Variants in KIAA1549L observed in about 807,000 individuals in gnomAD.
KIAA1549L encodes the protein KIAA1549 like, also known as UPF0606 protein KIAA1549L.
Under a neutral mutation model 160.7 loss-of-function variants are expected in KIAA1549L, and 88 were observed. The ratio of observed to expected loss-of-function variants is 0.55; its 90% CI spans 0.46 to 0.65. KIAA1549L has a LOEUF of 0.65. Ranked by LOEUF, KIAA1549L falls within the 30% of genes least tolerant of loss-of-function variation. KIAA1549L has a pLI of 0.00. For synonymous variants in KIAA1549L, 950 were observed against 976.7 expected (o/e 0.97, Z 0.51); for missense variants, 2,258 against 2,437.5 (o/e 0.93, Z 1.55).
chr11:33,659,816 C>T (rs1234726449), intron 19 of KIAA1549L, among the ~76,000 whole-genome samples: 2 of 152,160 alleles, frequency 1.3e-5, no homozygotes, highest in African/African-American at 2.4e-5. Flanking sequence ...GGAGTTGGAC[C>T]ACCACTTCTG....
chr11:33,618,385 C>A (rs1161913560), intron 15 of KIAA1549L, 148 bp from the exon 16 acceptor site: 3 of 592,238 alleles, frequency 5.1e-6, no homozygotes, highest in Non-Finnish European at 8.3e-6. Flanking sequence ...TTTCTACAGC[C>A]CCTTATATCC....
chr11:33,379,949 A>G (rs1723736363), intron 1 of KIAA1549L, among the ~76,000 whole-genome samples: 1 of 152,260 alleles, frequency 6.6e-6, no homozygotes, highest in Non-Finnish European at 1.5e-5. Context: ...AGGGCGATCA[A>G]GGCCCTTGCC....
intron 1 of KIAA1549L, among the ~76,000 whole-genome samples, chr11:33,510,552 C>T (rs956704997): frequency 2.0e-5 from 3 of 152,182 alleles, no homozygotes; most frequent in Non-Finnish European, 4.4e-5. Context: ...GTGGAGGACA[C>T]TAATGTTGAA....
intron 1 of KIAA1549L, among the ~76,000 whole-genome samples, chr11:33,409,708 C>G (rs1850748260): frequency 6.6e-6 from 1 of 151,422 alleles, no homozygotes; most frequent in Non-Finnish European, 1.5e-5. Context: ...ATCATCCATC[C>G]CCTTTCTCAA....
chr11:33,572,659 A>G (rs957493709), intron 9 of KIAA1549L, among the ~76,000 whole-genome samples: 1 of 152,230 alleles, frequency 6.6e-6, no homozygotes, highest in African/African-American at 2.4e-5. Context: ...TTTGCTGAAT[A>G]ATATTCTCTT....
intron 13 of KIAA1549L, among the ~76,000 whole-genome samples, chr11:33,601,435 A>G (rs1229301077): frequency 2.0e-5 from 3 of 152,218 alleles, no homozygotes; most frequent in Admixed American, 6.5e-5. Context: ...AATAAAATCA[A>G]TAGTGTATTT....
rs79050076 is a variant in KIAA1549L, at chr11:33,460,548, T to C, written c.239-81254T>C. On this transcript the variant is annotated intron_variant, in intron 1 of 20. Coordinates refer to ENST00000658780, the MANE Select transcript of KIAA1549L (RefSeq NM_012194.3). ...GTGCTGCCATGTTCAATGGTGTCTT[T>C]AGCTTGCCTGGGTCTATGTCCATGG... is the stretch of plus-strand genomic sequence containing the variant. Among the ~76,000 whole-genome samples the C allele has an allele frequency of 7.5e-3, 1,139 of 152,316 alleles. 6 individuals carry two copies. The highest frequency in any genetic ancestry group is 0.012 in the Non-Finnish European group (831 of 68,018).
chr11:33,484,571 A>G (rs1013528524), intron 1 of KIAA1549L, among the ~76,000 whole-genome samples: 1 of 152,062 alleles, frequency 6.6e-6, no homozygotes, highest in African/African-American at 2.4e-5. Context: ...GTGACCACTC[A>G]CCTCCCTAGA....
At chr11:33,389,630 G>T (rs1412525278) in intron 1 of KIAA1549L, among the ~76,000 whole-genome samples, 1 of 152,172 alleles carries the variant, frequency 6.6e-6, no homozygotes, top group Non-Finnish European at 1.5e-5. Flanking sequence ...TTTCCAGTTG[G>T]ATGGGGAATA....
In KIAA1549L at chr11:33,668,418, G is replaced by T. The variant is rs1852560364; in HGVS notation, c.*264G>T. The T allele has an allele frequency of 2.0e-6, 1 of 509,226 alleles. No individual in the cohort carries two copies. Among genetic ancestry groups the T allele is most frequent in the Non-Finnish European group, 3.5e-6 (1 of 284,190 alleles). The allele number at this position is 509,226 out of a possible 1,614,324, so 31.5% of individuals were successfully genotyped here. On this transcript the variant is annotated 3_prime_UTR_variant, in exon 21 of 21. Coordinates refer to ENST00000658780, the MANE Select transcript of KIAA1549L (RefSeq NM_012194.3). ...CTCATGTCAAATGTTTGAACTTTGG[G>T]CATGTGCCCTATGGAAGCTTAGTCA...
chr11:33,616,587 A>T (rs984197191), intron 15 of KIAA1549L, among the ~76,000 whole-genome samples: 4 of 152,242 alleles, frequency 2.6e-5, no homozygotes, highest in Admixed American at 2.6e-4. Flanking sequence ...TAAGCTCTTC[A>T]TGGTGAAGGT....
intron 6 of KIAA1549L, 87 bp from the exon 7 acceptor site, chr11:33,559,662 T>G (rs1590343516): frequency 9.0e-7 from 1 of 1,116,952 alleles, no homozygotes; most frequent in Non-Finnish European, 1.3e-6. Flanking sequence ...CAACTCCTGC[T>G]TAGCCTCCCC....
intron 1 of KIAA1549L, among the ~76,000 whole-genome samples, chr11:33,434,156 T>A (rs887357373): frequency 1.3e-5 from 2 of 152,178 alleles, no homozygotes; most frequent in Admixed American, 6.5e-5. Flanking sequence ...ATACACAGAT[T>A]TTTTTAAAAA....
chr11:33,448,111 C>T (rs982202045), intron 1 of KIAA1549L, among the ~76,000 whole-genome samples: 32 of 151,876 alleles, frequency 2.1e-4, no homozygotes, highest in Admixed American at 9.2e-4. Context: ...CTTTAAATTC[C>T]GGGATACATG....
chr11:33,510,698 A>G (rs1442668613), intron 1 of KIAA1549L, among the ~76,000 whole-genome samples: 6 of 152,242 alleles, frequency 3.9e-5, no homozygotes, highest in African/African-American at 1.2e-4. Context: ...ACTTCTGCAA[A>G]TCACCTAACA....
Position 33,465,043 on chromosome 11 carries a change from CTTCTTTTTTTTTTTTTT to C in KIAA1549L, c.239-76756_239-76740del, listed in dbSNP as rs1050027821. On this transcript the variant is annotated intron_variant, in intron 1 of 20. Transcript: ENST00000658780. ...CCACATTCAACTCGCATGGGACCTTCTTCTTTTTTTTTTTTTTTTTTTTTTTTTTTGAGACAGAGTCT... is the reference window on the plus strand; with the variant it reads ...CCACATTCAACTCGCATGGGACCTTCTTTTTTTTTTTTTGAGACAGAGTCT... 6.8e-5 allele frequency among the ~76,000 whole-genome samples: 8 copies of C among 117,994 alleles called. No homozygotes were observed. The South Asian group carries it at 1.2e-3, about 17-fold the overall frequency. 77.4% of individuals were successfully genotyped at this position (117,994 alleles called of 152,430 possible). A position where few individuals can be genotyped will look rare whatever the true frequency, so the allele number is the denominator to read the frequency against.
chr11:33,561,758 C>T (rs753497346), intron 8 of KIAA1549L, 23 bp downstream of exon 8: 17 of 1,501,854 alleles, frequency 1.1e-5, no homozygotes, highest in Non-Finnish European at 1.4e-5. Flanking sequence ...TTTGTAATTT[C>T]CCCTCTTCAT....
rs1457620692 is a variant in KIAA1549L, at chr11:33,435,808, ATATGTGTG to A, written c.238+58921_238+58928del. On this transcript the variant is annotated intron_variant, in intron 1 of 20. Transcript: ENST00000658780. ...TATATATATATATATATATATATAT[ATATGTGTG>A]TGTATATATATATATGTATATGTAT... Among the ~76,000 whole-genome samples the A allele has an allele frequency of 3.7e-3, 88 of 23,956 alleles. 24 individuals carry two copies. Among genetic ancestry groups the A allele is most frequent in the African/African-American group, 8.3e-3 (55 of 6,624 alleles). The allele number at this position is 23,956 out of a possible 152,430, so 15.7% of individuals were successfully genotyped here. A position where few individuals can be genotyped will look rare whatever the true frequency, so the allele number is the denominator to read the frequency against.
At chr11:33,628,850 CTTGTTAG>C (rs1564931091) in intron 16 of KIAA1549L, among the ~76,000 whole-genome samples, 1 of 150,698 alleles carries the variant, frequency 6.6e-6, no homozygotes, top group African/African-American at 2.4e-5. Context: ...GGTTATTTTG[CTTGTTAG>C]TTCATGCAGT....
Sources: allele counts gnomAD v4.1 joint callset (sites outside exome capture counted in the v4.1 genomes callset), GRCh38; gene constraint gnomAD v4.1.1; transcripts MANE v1.5; gene names NCBI Gene and HGNC (gene_info 2026-07-23, HGNC 2026-07-21).